The following AGFG1 variants were observed in gnomAD, a reference collection of about 807,000 sequenced individuals.
AGFG1 encodes arf-GAP domain and FG repeat-containing protein 1.
Under a neutral mutation model 60.6 loss-of-function variants are expected in AGFG1, and 10 were observed. The observed-to-expected ratio is 0.16, with a 90% CI of 0.10 to 0.28. The LOEUF is 0.28. Among genes scored for constraint, AGFG1 ranks in the 10% least tolerant of loss-of-function variants. AGFG1 has a pLI of 1.00. For synonymous variants in AGFG1, 247 were observed against 242.9 expected (o/e 1.02, Z -0.16); for missense variants, 537 against 676.5 (o/e 0.79, Z 2.29).
intron 2 of AGFG1, among the ~76,000 whole-genome samples, chr2:227,510,063 A>G (rs1221795815): frequency 6.6e-6 from 1 of 152,210 alleles, no homozygotes; most frequent in Non-Finnish European, 1.5e-5. Flanking sequence ...ATCTTCCTTG[A>G]AACTACTATG....
chr2:227,526,336 A>G (rs758373731), intron 5 of AGFG1, among the ~76,000 whole-genome samples: 2 of 151,854 alleles, frequency 1.3e-5, no homozygotes, highest in Non-Finnish European at 2.9e-5. Context: ...TGGGATTACA[A>G]GCGTGTGCCA....
chr2:227,474,542 C>T (rs965436166), intron 1 of AGFG1, among the ~76,000 whole-genome samples: 3 of 152,328 alleles, frequency 2.0e-5, no homozygotes, highest in East Asian at 3.9e-4. Flanking sequence ...CTTCATTTCT[C>T]TATTGAGTCA....
rs1690384069 is a variant in AGFG1, at chr2:227,479,250, T to A, written c.167+6662T>A. On this transcript the variant is annotated intron_variant, in intron 1 of 12. Transcript: ENST00000310078. ...AGCATTCAGGTTGTGGTGACATCATTTGACCATAACTGAGTATAAAGGCAT... is the reference window on the plus strand; with the variant it reads ...AGCATTCAGGTTGTGGTGACATCATATGACCATAACTGAGTATAAAGGCAT... 3.3e-5 allele frequency among the ~76,000 whole-genome samples: 5 copies of A among 152,220 alleles called. 1 individual carries two copies. In the South Asian group the frequency reaches 8.3e-4, roughly 25 times the overall value.
intron 2 of AGFG1, among the ~76,000 whole-genome samples, chr2:227,511,577 T>C (rs1020408239): frequency 2.0e-5 from 3 of 152,194 alleles, no homozygotes; most frequent in African/African-American, 7.2e-5. Flanking sequence ...GAATTTATTA[T>C]TTCTACCTAA....
chr2:227,483,325 T>C (rs1216244504), intron 1 of AGFG1, among the ~76,000 whole-genome samples: 1 of 152,220 alleles, frequency 6.6e-6, no homozygotes, highest in African/African-American at 2.4e-5. Context: ...GTGGTTACTA[T>C]AGATACTAAC....
chr2:227,500,427 C>T (rs927370055), intron 2 of AGFG1, among the ~76,000 whole-genome samples: 34 of 152,250 alleles, frequency 2.2e-4, no homozygotes, highest in Non-Finnish European at 4.1e-4. Flanking sequence ...CAGTGGTTCA[C>T]CAGCTTGTCT....
At chr2:227,534,150 T>C (rs543878084) in intron 7 of AGFG1, among the ~76,000 whole-genome samples, 1 of 152,156 alleles carries the variant, frequency 6.6e-6, no homozygotes, top group South Asian at 2.1e-4. Flanking sequence ...GTTTTTTATA[T>C]TTAAAAAAAA....
intron 2 of AGFG1, among the ~76,000 whole-genome samples, chr2:227,506,282 G>C (rs1691309833): frequency 6.6e-6 from 1 of 152,100 alleles, no homozygotes; most frequent in South Asian, 2.1e-4. Context: ...ATGAGTGCCA[G>C]CTGAAATCTG....
Position 227,510,793 on chromosome 2 carries a change from C to A in AGFG1, c.262-9155C>A, listed in dbSNP as rs1691475470. ...TGGGTATGTGAGCTGTGTGTGCTGC[C>A]CTTTACTAAGTCCTTATGGTAGATG... On this transcript the variant is annotated intron_variant, in intron 2 of 12. Transcript: ENST00000310078. 2.0e-5 allele frequency: 3 copies of A among 152,196 alleles called. No homozygotes were observed. The South Asian group carries it at 6.2e-4, about 32-fold the overall frequency. 9.4% of individuals were successfully genotyped at this position (152,196 alleles called of 1,614,324 possible). A position where few individuals can be genotyped will look rare whatever the true frequency, so the allele number is the denominator to read the frequency against.
intron 1 of AGFG1, among the ~76,000 whole-genome samples, chr2:227,488,562 A>G (rs1690706830): frequency 6.6e-6 from 1 of 152,244 alleles, no homozygotes; most frequent in African/African-American, 2.4e-5. Context: ...CAAGGAGGAG[A>G]TATTACAGAA....
At chr2:227,495,906 C>T (rs2106174669) in intron 2 of AGFG1, among the ~76,000 whole-genome samples, 1 of 151,672 alleles carries the variant, frequency 6.6e-6, no homozygotes, top group African/African-American at 2.4e-5. Flanking sequence ...AGTTCAAGAC[C>T]AGCCTGGCCA....
chr2:227,548,071 G>A (rs1320720833), intron 10 of AGFG1, among the ~76,000 whole-genome samples: 4 of 152,214 alleles, frequency 2.6e-5, no homozygotes, highest in Non-Finnish European at 4.4e-5. Context: ...CTGCTGAGCA[G>A]AAGAAACTCG....
At chr2:227,477,962 T>C (rs4130464) in intron 1 of AGFG1, among the ~76,000 whole-genome samples, 5,169 of 152,176 alleles carry the variant, frequency 0.034, 140 homozygotes, top group Admixed American at 0.052. Flanking sequence ...GGCTGTGTCA[T>C]GCTTTTTATT....
chr2:227,517,260 C>T, intron 2 of AGFG1, among the ~76,000 whole-genome samples: 1 of 152,208 alleles, frequency 6.6e-6, no homozygotes, highest in Non-Finnish European at 1.5e-5. Flanking sequence ...GAAGGAACCA[C>T]AAGAAATATA....
At chr2:227,508,980 C>T (rs957570080) in intron 2 of AGFG1, among the ~76,000 whole-genome samples, 1 of 152,076 alleles carries the variant, frequency 6.6e-6, no homozygotes, top group Admixed American at 6.5e-5. Flanking sequence ...TGTTACCTGA[C>T]ATGATACACC....
chr2:227,523,336 C>T (rs1312405365), intron 3 of AGFG1, among the ~76,000 whole-genome samples: 1 of 152,074 alleles, frequency 6.6e-6, no homozygotes, highest in Non-Finnish European at 1.5e-5. Context: ...ATATTTTAGG[C>T]TGTTAACTGT....
chr2:227,481,685 C>T (rs1690469022), intron 1 of AGFG1, among the ~76,000 whole-genome samples: 1 of 152,026 alleles, frequency 6.6e-6, no homozygotes, highest in Admixed American at 6.6e-5. Context: ...TTTGTGGGCA[C>T]ATAGTAGGTG....
At chr2:227,476,324 G>A (rs901661937) in intron 1 of AGFG1, among the ~76,000 whole-genome samples, 3 of 152,064 alleles carry the variant, frequency 2.0e-5, no homozygotes, top group Non-Finnish European at 4.4e-5. Context: ...AGTAAAAATG[G>A]CCTTCATGTT....
rs777378633 is a variant in AGFG1, at chr2:227,523,841, C to T, written c.456C>T (p.Ser152=). The change falls in exon 4 of 13, where the codon AGC becomes AGT. Residue 152 remains serine (S), a synonymous_variant. Coordinates refer to ENST00000310078, the MANE Select transcript of AGFG1 (RefSeq NM_004504.5). ...SISGSSASST[S]STPEVKPLKS... ...CAGGGTCCTCTGCCAGTAGCACAAG[C>T]AGCACACCTGAGGTCAAACCACTGA... The T allele has an allele frequency of 3.7e-6, 6 of 1,613,954 alleles. No homozygotes were observed. The highest frequency in any genetic ancestry group is 1.7e-6 in the Non-Finnish European group (2 of 1,179,966).
Sources: allele counts gnomAD v4.1 joint callset (sites outside exome capture counted in the v4.1 genomes callset), GRCh38; gene constraint gnomAD v4.1.1; transcripts MANE v1.5; gene names NCBI Gene and HGNC (gene_info 2026-07-23, HGNC 2026-07-21).